The following SNTG1 variants were observed in gnomAD, a reference collection of about 807,000 sequenced individuals.
SNTG1 encodes the protein syntrophin gamma 1.
A neutral mutation model predicts 74.7 loss-of-function variants in SNTG1; 39 were observed. That is an observed-to-expected ratio of 0.52 (90% CI 0.40 to 0.68). The LOEUF (loss-of-function observed/expected upper bound fraction) is 0.68, where lower values mean the gene tolerates loss of function less well. Among genes scored for constraint, SNTG1 ranks in the 30% least tolerant of loss-of-function variants. The pLI is 0.00. For missense variants in SNTG1, 685 were observed against 609.5 expected, an observed-to-expected ratio of 1.12 and a Z score of -1.30; for synonymous variants, 254 against 217.1, an observed-to-expected ratio of 1.17 and a Z score of -1.49.
At chr8:50,761,679 T>C (rs1320509992) in intron 18 of SNTG1, among the ~76,000 whole-genome samples, 1 of 151,924 alleles carries the variant, frequency 6.6e-6, no homozygotes, top group African/African-American at 2.4e-5. Flanking sequence ...AAAACTTGTG[T>C]ATATCTCCTC....
intron 12 of SNTG1, among the ~76,000 whole-genome samples, chr8:50,588,037 T>C (rs1348533819): frequency 6.6e-6 from 1 of 151,854 alleles, no homozygotes; most frequent in Non-Finnish European, 1.5e-5. Context: ...GGAGAATCGC[T>C]TGAACCCAGG....
At chr8:50,712,312 T>A (rs2095463893) in intron 17 of SNTG1, among the ~76,000 whole-genome samples, 1 of 152,112 alleles carries the variant, frequency 6.6e-6, no homozygotes, top group Admixed American at 6.6e-5. Context: ...AAGGTCCAGT[T>A]AAGAAATTGG....
intron 1 of SNTG1, among the ~76,000 whole-genome samples, chr8:50,156,668 C>T (rs534737964): frequency 1.2e-4 from 19 of 152,010 alleles, no homozygotes; most frequent in African/African-American, 4.3e-4. Context: ...AAAATCATTG[C>T]TAAAAAGACA....
At chr8:50,093,709 G>T (rs984252993) in intron 1 of SNTG1, among the ~76,000 whole-genome samples, 1 of 152,130 alleles carries the variant, frequency 6.6e-6, no homozygotes, top group Non-Finnish European at 1.5e-5. Context: ...TATAGGGGCA[G>T]TTGGCTAAGG....
chr8:50,106,914 T>C (rs2080394486), intron 1 of SNTG1, among the ~76,000 whole-genome samples: 1 of 152,190 alleles, frequency 6.6e-6, no homozygotes. Flanking sequence ...CAATTCATAC[T>C]GCCATAAACA....
At chr8:50,588,476 T>C (rs560419709) in intron 12 of SNTG1, among the ~76,000 whole-genome samples, 24 of 152,294 alleles carry the variant, frequency 1.6e-4, no homozygotes, top group African/African-American at 5.8e-4. Context: ...AGTAGTTTGG[T>C]TAGTTAAGTG....
intron 5 of SNTG1, among the ~76,000 whole-genome samples, chr8:50,440,107 A>G (rs1250534308): frequency 6.6e-6 from 1 of 151,694 alleles, no homozygotes; most frequent in Non-Finnish European, 1.5e-5. Flanking sequence ...TATAATAAAT[A>G]GAATATTTTT....
intron 18 of SNTG1, among the ~76,000 whole-genome samples, chr8:50,787,402 G>A (rs56719127): frequency 0.025 from 3,853 of 151,946 alleles, 171 homozygotes; most frequent in African/African-American, 0.088. Context: ...TAGTGAGAAT[G>A]TAAAATGTGG....
At chr8:50,086,605 T>C (rs1217138771) in intron 1 of SNTG1, among the ~76,000 whole-genome samples, 1 of 152,010 alleles carries the variant, frequency 6.6e-6, no homozygotes, top group Non-Finnish European at 1.5e-5. Flanking sequence ...TGGGAGATAA[T>C]GTCATGGGTT....
At chr8:50,157,838 A>C (rs2082300115) in intron 1 of SNTG1, among the ~76,000 whole-genome samples, 2 of 152,174 alleles carry the variant, frequency 1.3e-5, no homozygotes, top group Non-Finnish European at 2.9e-5. Flanking sequence ...AAATCCATAG[A>C]ATCGAGAATG....
At chr8:50,700,566 T>C (rs2095420022) in intron 15 of SNTG1, among the ~76,000 whole-genome samples, 1 of 152,134 alleles carries the variant, frequency 6.6e-6, no homozygotes, top group Non-Finnish European at 1.5e-5. Context: ...GGCAGGTGCA[T>C]TCTATGAATT....
intron 2 of SNTG1, among the ~76,000 whole-genome samples, chr8:50,279,767 C>T (rs1240772980): frequency 6.6e-6 from 1 of 151,958 alleles, no homozygotes. Context: ...GGATTAAGTA[C>T]CATCCCTTGC....
chr8:50,646,872 A>G (rs780129216), intron 13 of SNTG1, among the ~76,000 whole-genome samples: 26 of 152,158 alleles, frequency 1.7e-4, no homozygotes, highest in Non-Finnish European at 3.1e-4. Context: ...AAGACAGACA[A>G]TATCTCAATG....
At chr8:50,067,026 T>C (rs76173395) in intron 1 of SNTG1, among the ~76,000 whole-genome samples, 12 of 152,302 alleles carry the variant, frequency 7.9e-5, no homozygotes, top group Non-Finnish European at 1.8e-4. Flanking sequence ...GTCAGTTCTT[T>C]TCTTTTCTTT....
At position 50,165,454 on chromosome 8, in the gene SNTG1, G is replaced by A. The variant is rs185334085; in HGVS notation, c.-102-7107G>A. On this transcript the variant is annotated intron_variant, in intron 1 of 18. Transcript: ENST00000642720. The stretch of plus-strand genomic sequence containing the variant: ...AAAATTATTTTGTGTCCTGTATACT[G>A]ATGTTTGCTGTAGAGTTTGTTCATC... Among the ~76,000 whole-genome samples, 8 of 152,328 alleles carry A rather than the reference G, an allele frequency of 5.3e-5. No individual in the cohort carries two copies. In the East Asian group the frequency reaches 1.2e-3, roughly 22 times the overall value.
chr8:50,226,557 A>G (rs2085339163), intron 2 of SNTG1, among the ~76,000 whole-genome samples: 2 of 152,214 alleles, frequency 1.3e-5, no homozygotes, highest in Admixed American at 6.5e-5. Flanking sequence ...GGTCTCCACA[A>G]TCTTTTATCT....
Position 50,247,573 on chromosome 8 carries a change from A to G in SNTG1, c.-28+74938A>G, listed in dbSNP as rs545955905. Among the ~76,000 whole-genome samples, 16 of 152,304 alleles carry G rather than the reference A, an allele frequency of 1.1e-4. 1 individual carries two copies. The South Asian group carries it at 3.3e-3, about 32-fold the overall frequency. On this transcript the variant is annotated intron_variant, in intron 2 of 18. Transcript: ENST00000642720. ...CAGGCTGCAGTATAGTGGCATGATC[A>G]TAGTTTAATGTAACCTCAAACTCCT...
intron 8 of SNTG1, among the ~76,000 whole-genome samples, chr8:50,472,530 T>C (rs2093661603): frequency 6.6e-6 from 1 of 152,082 alleles, no homozygotes; most frequent in African/African-American, 2.4e-5. Flanking sequence ...TCAAAATGGA[T>C]GATTAAAGAT....
At chr8:50,450,803 T>C in intron 8 of SNTG1, 74 bp downstream of exon 8, 1 of 1,385,002 alleles carries the variant, frequency 7.2e-7, no homozygotes, top group Non-Finnish European at 1.0e-6. Context: ...CTAAAGACTG[T>C]CACTTCATTC....
Sources: gnomAD v4.1 joint callset for allele counts (sites outside exome capture counted in the v4.1 genomes callset) on GRCh38, gnomAD v4.1.1 for gene constraint, MANE v1.5 for transcripts, NCBI Gene and HGNC (gene_info 2026-07-23, HGNC 2026-07-21) for gene names.